The following POLN variants were observed in gnomAD, a reference collection of about 807,000 sequenced individuals.
The protein encoded by POLN is DNA polymerase nu.
A neutral mutation model predicts 113.5 loss-of-function variants in POLN; 108 were observed. The ratio of observed to expected loss-of-function variants is 0.95; its 90% CI spans 0.81 to 1.12. POLN has a LOEUF of 1.12. POLN is among the 50% of genes most tolerant of loss of function. The pLI is 0.00. For missense variants in POLN, 1,097 were observed against 1,077.1 expected, an observed-to-expected ratio of 1.02 and a Z score of -0.26; for synonymous variants, 386 against 391.5, an observed-to-expected ratio of 0.99 and a Z score of 0.17.
Position 2,210,624 on chromosome 4 carries a change from T to TAAG in POLN, c.214-2138_214-2137insCTT, listed in dbSNP as rs1733968040. On this transcript the variant is annotated intron_variant, in intron 4 of 25. Coordinates refer to ENST00000511885, the MANE Select transcript of POLN (RefSeq NM_181808.4). ...ATAATAATAATAATAATAATAATAA[T>TAAG]AATAATAAAAAAAAGAGGCCGGGCA... is the stretch of plus-strand genomic sequence containing the variant. Among the ~76,000 whole-genome samples the TAAG allele has an allele frequency of 4.0e-5, 5 of 126,124 alleles. No homozygotes were observed. The South Asian group carries it at 1.2e-3, about 30-fold the overall frequency. 82.7% of individuals were successfully genotyped at this position (126,124 alleles called of 152,430 possible).
At position 2,093,262 on chromosome 4, in the gene POLN, G is replaced by A. The variant is rs964845837; in HGVS notation, c.2065+2589C>T. On this transcript the variant is annotated intron_variant, in intron 20 of 25. Coordinates refer to ENST00000511885, the MANE Select transcript of POLN (RefSeq NM_181808.4). The surrounding 1 kb of genome is among the most constrained non-coding windows in gnomAD (Gnocchi z 4.1). Reference sequence around the variant, plus strand: ...CCTCCCTCCTAGCTGGATTTGGGGTGGCTGCCCCCACTGGGGACAAGGCCG... The same window carrying A: ...CCTCCCTCCTAGCTGGATTTGGGGTAGCTGCCCCCACTGGGGACAAGGCCG... Among the ~76,000 whole-genome samples the A allele has an allele frequency of 6.6e-5, 10 of 152,204 alleles. No homozygotes were observed. The highest frequency in any genetic ancestry group is 5.2e-4 in the Admixed American group (8 of 15,288).
At chr4:2,129,094 T>G in intron 18 of POLN, 85 bp downstream of exon 18, 4 of 867,378 alleles carry the variant, frequency 4.6e-6, no homozygotes, top group Non-Finnish European at 7.1e-6. Flanking sequence ...TTTGAAAGAA[T>G]GAATTCCATA....
At chr4:2,216,763 G>A (rs545573520) in intron 3 of POLN, among the ~76,000 whole-genome samples, 5 of 152,370 alleles carry the variant, frequency 3.3e-5, no homozygotes, top group African/African-American at 1.2e-4. Context: ...AAGGGGTTCA[G>A]TGTTGTCAAA....
chr4:2,104,879 C>A (rs1731014434), intron 19 of POLN, among the ~76,000 whole-genome samples: 1 of 152,220 alleles, frequency 6.6e-6, no homozygotes, highest in Non-Finnish European at 1.5e-5. Flanking sequence ...GTCACTCACC[C>A]TCCAAGTGCT....
intron 16 of POLN, among the ~76,000 whole-genome samples, chr4:2,149,998 G>T (rs1299355331): frequency 6.6e-6 from 1 of 151,142 alleles, no homozygotes; most frequent in African/African-American, 2.4e-5. Context: ...CAGGAGAATC[G>T]CTTGAACCCG....
chr4:2,220,943 G>GT (rs1235145529), intron 3 of POLN, among the ~76,000 whole-genome samples: 1 of 151,924 alleles, frequency 6.6e-6, no homozygotes, highest in East Asian at 1.9e-4. Context: ...AACTTTGTTT[G>GT]TTTTTTCTGT....
At chr4:2,211,594 G>A (rs1399197714) in intron 4 of POLN, among the ~76,000 whole-genome samples, 1 of 151,954 alleles carries the variant, frequency 6.6e-6, no homozygotes, top group Non-Finnish European at 1.5e-5. Context: ...CGGGCAACAT[G>A]GTGAAACCCT....
intron 16 of POLN, among the ~76,000 whole-genome samples, chr4:2,136,117 A>G (rs1312124222): frequency 1.3e-5 from 2 of 152,228 alleles, no homozygotes; most frequent in Non-Finnish European, 2.9e-5. Flanking sequence ...CCCAGGTCCA[A>G]CGAATGTCCA....
chr4:2,111,844 C>G (rs1156674079), intron 19 of POLN, among the ~76,000 whole-genome samples: 1 of 152,170 alleles, frequency 6.6e-6, no homozygotes, highest in African/African-American at 2.4e-5. Context: ...CAATGCCATC[C>G]CCATCAAGCT....
intron 19 of POLN, among the ~76,000 whole-genome samples, chr4:2,103,920 T>C (rs185140725): frequency 6.6e-6 from 1 of 152,316 alleles, no homozygotes; most frequent in East Asian, 1.9e-4. Flanking sequence ...GACAAGTAAA[T>C]GATGACTGTA....
chr4:2,129,181 G>A lies in POLN; in HGVS notation c.1865C>T (p.Ala622Val). ...TAAAGCAAGCTACAGCAACGTACCT[G>A]CTGCTAGAAAGGTGTGGCCTTTGGA... Reference protein sequence around the residue: ...VSSKGHTFLAADFSQIELRIL... With the variant: ...VSSKGHTFLAVDFSQIELRIL... Residue 622 changes from alanine (A) to valine (V), a missense_variant and splice_region_variant, in exon 18 of 26, where the codon GCA becomes GTA. Coordinates refer to ENST00000511885, the MANE Select transcript of POLN (RefSeq NM_181808.4). The A allele has an allele frequency of 5.1e-6, 8 of 1,579,406 alleles. No individual in the cohort carries two copies. Among genetic ancestry groups the A allele is most frequent in the Non-Finnish European group, 6.1e-6 (7 of 1,148,664 alleles).
intron 19 of POLN, among the ~76,000 whole-genome samples, chr4:2,123,665 G>T (rs970391725): frequency 6.6e-6 from 1 of 150,406 alleles, no homozygotes; most frequent in Admixed American, 6.6e-5. Flanking sequence ...ATTCAGCCAG[G>T]CATGGTGGCA....
At chr4:2,224,174 T>G (rs529551043) in intron 3 of POLN, among the ~76,000 whole-genome samples, 3 of 152,346 alleles carry the variant, frequency 2.0e-5, no homozygotes, top group Non-Finnish European at 4.4e-5. Context: ...TGTTCTTAAC[T>G]TTCTTAAAAC....
intron 19 of POLN, among the ~76,000 whole-genome samples, chr4:2,119,412 C>T (rs948417292): frequency 1.3e-5 from 1 of 75,562 alleles, no homozygotes; most frequent in African/African-American, 4.0e-5. Context: ...TGTGTGTGTG[C>T]ATGTGTGTGC....
At chr4:2,168,507 G>A (rs1732783838) in intron 13 of POLN, among the ~76,000 whole-genome samples, 1 of 152,262 alleles carries the variant, frequency 6.6e-6, no homozygotes, top group South Asian at 2.1e-4. Flanking sequence ...GTCTTTATGG[G>A]AGAAAAATGA....
rs1354152152 is a variant in POLN, at chr4:2,242,066, T to A, written c.-299A>T. 6.1e-6 allele frequency: 6 copies of A among 985,618 alleles called. No homozygotes were observed. The highest frequency in any genetic ancestry group is 7.2e-6 in the Non-Finnish European group (6 of 830,154). 61.1% of individuals were successfully genotyped at this position (985,618 alleles called of 1,614,324 possible). ...CGTCAGTCACCTCAGGAAGTTCCGC[T>A]TGCTTCTCGCAGGAGCCCGCCGCCA... On this transcript the variant is annotated 5_prime_UTR_variant, in exon 1 of 26. The change creates a new upstream start codon in the 5' untranslated region. Coordinates refer to ENST00000511885, the MANE Select transcript of POLN (RefSeq NM_181808.4).
At chr4:2,225,463 G>A (rs1245892380) in intron 3 of POLN, among the ~76,000 whole-genome samples, 2 of 151,794 alleles carry the variant, frequency 1.3e-5, no homozygotes, top group Admixed American at 6.6e-5. Flanking sequence ...GCTGTGGCAG[G>A]AGAATCCCTT....
intron 2 of POLN, chr4:2,238,599 C>T (rs376851516): frequency 5.9e-6 from 9 of 1,525,440 alleles, no homozygotes; most frequent in Admixed American, 1.9e-5. Flanking sequence ...ATGAAGCATA[C>T]GTACCTATGA....
chr4:2,231,746 A>G, intron 2 of POLN: 1 of 457,720 alleles, frequency 2.2e-6, no homozygotes, highest in Non-Finnish European at 3.9e-6. Flanking sequence ...CTCAAGTCAT[A>G]AAAAGCACTG....
Sources: gnomAD v4.1 joint callset for allele counts (sites outside exome capture counted in the v4.1 genomes callset) on GRCh38, gnomAD v4.1.1 for gene constraint, Gnocchi (gnomAD v3.1) non-coding constraint, MANE v1.5 for transcripts, NCBI Gene and HGNC (gene_info 2026-07-23, HGNC 2026-07-21) for gene names.